The following PLA2R1 variants were observed in gnomAD, a reference collection of about 807,000 sequenced individuals.
The protein encoded by PLA2R1 is secretory phospholipase A2 receptor.
PLA2R1 carries 158 observed loss-of-function variants against 195.9 expected under a neutral mutation model. The observed-to-expected ratio is 0.81, with a 90% CI of 0.71 to 0.92. The LOEUF is 0.92. Among genes scored for constraint, PLA2R1 ranks in the 40% least tolerant of loss-of-function variants. The probability of loss-of-function intolerance (pLI) is 0.00; values close to 1 mark genes in which losing one functional copy is unlikely to be tolerated. For missense variants in PLA2R1, 1,626 were observed against 1,764.6 expected (o/e 0.92, Z 1.41); for synonymous variants, 586 against 598.2 (o/e 0.98, Z 0.30).
At chr2:159,975,417 T>C (rs1461180072) in intron 17 of PLA2R1, among the ~76,000 whole-genome samples, 2 of 152,210 alleles carry the variant, frequency 1.3e-5, no homozygotes, top group Non-Finnish European at 2.9e-5. Context: ...GTTTCTTTCT[T>C]ACTAGCTTAG....
At chr2:160,037,581 C>T (rs969235821) in intron 3 of PLA2R1, among the ~76,000 whole-genome samples, 1 of 152,166 alleles carries the variant, frequency 6.6e-6, no homozygotes, top group African/African-American at 2.4e-5. Flanking sequence ...GACTCAAAAG[C>T]ATGCTGTCTT....
At chr2:160,006,512 G>A (rs1691996160) in intron 10 of PLA2R1, among the ~76,000 whole-genome samples, 1 of 152,178 alleles carries the variant, frequency 6.6e-6, no homozygotes, top group Non-Finnish European at 1.5e-5. Context: ...ATGATTGGTG[G>A]CAGTGCCCCC....
Position 160,062,493 on chromosome 2 carries a change from C to G in PLA2R1, c.-90G>C. Reference sequence around the variant, plus strand: ...CCGCGTCCCAAGCACCCGGCCCCGCCGCGCGGAAGCGGATCCGTAGCCTCC... The same window carrying G: ...CCGCGTCCCAAGCACCCGGCCCCGCGGCGCGGAAGCGGATCCGTAGCCTCC... On this transcript the variant is annotated 5_prime_UTR_variant, in exon 1 of 30. Transcript: ENST00000283243. 1.4e-6 allele frequency: 2 copies of G among 1,428,498 alleles called. 1 individual carries two copies. 88.5% of individuals were successfully genotyped at this position (1,428,498 alleles called of 1,614,324 possible).
At chr2:159,987,051 G>A in intron 12 of PLA2R1, 105 bp downstream of exon 12, 9 of 797,342 alleles carry the variant, frequency 1.1e-5, no homozygotes, top group Non-Finnish European at 1.9e-5. Flanking sequence ...GTCAGGCACT[G>A]TTCTGGAAAA....
rs141390145 is a variant in PLA2R1, at chr2:160,013,343, T to C, written c.1584A>G (p.Lys528=). ...GWERHGGFCY[K]IDTVLRSFDQ... ...CAAAGCTTCGAAGGACTGTGTCAAT[T>C]TTGTAACAGAATCCACCATGTCTCT... is the stretch of plus-strand genomic sequence containing the variant. The change falls in exon 10 of 30, where the codon AAA becomes AAG. Residue 528 remains lysine (K), a synonymous_variant. Transcript: ENST00000283243. 2.7e-4 allele frequency: 439 copies of C among 1,609,422 alleles called. 1 individual carries two copies. In the African/African-American group the frequency reaches 4.3e-3, roughly 16 times the overall value.
chr2:160,016,923 A>G (rs1692811780), intron 8 of PLA2R1, among the ~76,000 whole-genome samples: 1 of 152,188 alleles, frequency 6.6e-6, no homozygotes. Flanking sequence ...GCAATCTGTA[A>G]CTGGGTGGGC....
intron 3 of PLA2R1, among the ~76,000 whole-genome samples, chr2:160,040,698 G>A (rs985337164): frequency 2.6e-5 from 4 of 152,168 alleles, no homozygotes; most frequent in South Asian, 2.1e-4. Context: ...TTCCTTAAAG[G>A]GAGGATCCTA....
chr2:159,925,861 T>C, the PLA2R1 span, among the ~76,000 whole-genome samples: 1 of 152,246 alleles, frequency 6.6e-6, no homozygotes. Context: ...TTTTAGTGCT[T>C]GTCTCTCCCT....
downstream of PLA2R1, among the ~76,000 whole-genome samples, chr2:159,928,628 A>G (rs1186054497): frequency 6.6e-6 from 1 of 152,200 alleles, no homozygotes; most frequent in East Asian, 1.9e-4. Context: ...AAATACTACC[A>G]TAATTCTTCA....
chr2:159,984,255 T>C (rs1432519546), intron 12 of PLA2R1, among the ~76,000 whole-genome samples, 182 bp from the exon 13 acceptor site: 2 of 152,154 alleles, frequency 1.3e-5, no homozygotes, highest in Non-Finnish European at 2.9e-5. Context: ...AAACTATTAG[T>C]TCCTTTTATC....
chr2:159,943,922 C>T (rs1045484307), intron 28 of PLA2R1, among the ~76,000 whole-genome samples: 1 of 151,900 alleles, frequency 6.6e-6, no homozygotes, highest in African/African-American at 2.4e-5. Context: ...TCAACAGGGC[C>T]GGTGATTCTC....
intron 27 of PLA2R1, 55 bp from the exon 28 acceptor site, chr2:159,945,137 T>C: frequency 8.7e-7 from 1 of 1,147,892 alleles, no homozygotes; most frequent in South Asian, 2.4e-5. Flanking sequence ...TCAAACATAC[T>C]AAGACTGGAA....
At chr2:159,989,452 G>C (rs1253544114) in intron 11 of PLA2R1, among the ~76,000 whole-genome samples, 1 of 152,128 alleles carries the variant, frequency 6.6e-6, no homozygotes, top group African/African-American at 2.4e-5. Context: ...TCCTTTGAGG[G>C]GCCCCAGTGG....
chr2:159,959,570 G>C (rs1380129081), intron 20 of PLA2R1, among the ~76,000 whole-genome samples: 1 of 152,078 alleles, frequency 6.6e-6, no homozygotes, highest in Non-Finnish European at 1.5e-5. Context: ...TGAATTAATG[G>C]GGTCCTACTG....
Position 160,013,370 on chromosome 2 carries a change from C to A in PLA2R1, c.1557G>T (p.Trp519Cys). 6.3e-7 allele frequency: 1 copy of A among 1,583,410 alleles called. No individual in the cohort carries two copies. Among genetic ancestry groups the A allele is most frequent in the Non-Finnish European group, 8.7e-7 (1 of 1,153,652 alleles). Reference protein sequence around the residue: ...SDAESGCQEGWERHGGFCYKI... With the variant: ...SDAESGCQEGCERHGGFCYKI... The stretch of plus-strand genomic sequence containing the variant: ...TGTAACAGAATCCACCATGTCTCTC[C>A]CATCCCTTAAAAAGAATAAAAGGGA... The change falls in exon 10 of 30, where the codon TGG (tryptophan) becomes TGT (cysteine). Residue 519 changes from tryptophan (W) to cysteine (C), a missense_variant. Coordinates refer to ENST00000283243, the MANE Select transcript of PLA2R1 (RefSeq NM_007366.5).
intron 4 of PLA2R1, among the ~76,000 whole-genome samples, chr2:160,030,248 A>T (rs1447892208): frequency 6.6e-6 from 1 of 152,250 alleles, no homozygotes; most frequent in African/African-American, 2.4e-5. Flanking sequence ...ACTCCCAGAA[A>T]TCAATAAACA....
At chr2:160,044,613 C>G (rs566602073) in intron 2 of PLA2R1, among the ~76,000 whole-genome samples, 161 bp downstream of exon 2, 45 of 152,130 alleles carry the variant, frequency 3.0e-4, no homozygotes, top group Non-Finnish European at 5.7e-4. Context: ...TCTCATAACC[C>G]TTTTACCATA....
chr2:159,995,909 A>T (rs1691178092), intron 11 of PLA2R1, among the ~76,000 whole-genome samples: 1 of 152,046 alleles, frequency 6.6e-6, no homozygotes, highest in Non-Finnish European at 1.5e-5. Flanking sequence ...ACAAGGACAC[A>T]TCACAGTCAC....
intron 1 of PLA2R1, among the ~76,000 whole-genome samples, 186 bp downstream of exon 1, chr2:160,062,109 G>A (rs1191192483): frequency 6.6e-6 from 1 of 151,842 alleles, no homozygotes; most frequent in Non-Finnish European, 1.5e-5. Context: ...GCTGGGCCTA[G>A]ACAAGAGGCT....
Sources: allele counts gnomAD v4.1 joint callset (sites outside exome capture counted in the v4.1 genomes callset), GRCh38; gene constraint gnomAD v4.1.1; transcripts MANE v1.5; gene names NCBI Gene and HGNC (gene_info 2026-07-23, HGNC 2026-07-21).